The following TP63 variants were observed in gnomAD, a reference collection of about 807,000 sequenced individuals.
TP63 encodes tumor protein p63, also known as tumor protein 63.
In TP63, 17 loss-of-function variants were observed where a neutral mutation model predicts 82.8. That is an observed-to-expected ratio of 0.21 (90% CI 0.14 to 0.31). The LOEUF (loss-of-function observed/expected upper bound fraction) is 0.31, where lower values mean the gene tolerates loss of function less well. Ranked by LOEUF, TP63 falls within the 10% of genes least tolerant of loss-of-function variation. TP63 has a pLI of 1.00. For missense variants in TP63, 648 were observed against 895.3 expected (o/e 0.72, Z 3.52); for synonymous variants, 330 against 321.7 (o/e 1.03, Z -0.28).
intron 9 of TP63, 61 bp from the exon 10 acceptor site, chr3:189,872,798 A>G: frequency 6.2e-7 from 1 of 1,611,062 alleles, no homozygotes; most frequent in Non-Finnish European, 8.5e-7. Flanking sequence ...AGGATTGACC[A>G]CACTTCTAAC....
At chr3:189,858,618 C>T (rs1716615205) in intron 4 of TP63, among the ~76,000 whole-genome samples, 1 of 151,930 alleles carries the variant, frequency 6.6e-6, no homozygotes, top group Non-Finnish European at 1.5e-5. Flanking sequence ...CTACAAAAAA[C>T]ATACACCAAA....
chr3:189,635,851 T>C (rs929162388), intron 1 of TP63, among the ~76,000 whole-genome samples: 1 of 152,128 alleles, frequency 6.6e-6, no homozygotes, highest in Non-Finnish European at 1.5e-5. Context: ...TGATGTTGTT[T>C]ATGCACATAA....
At chr3:189,872,400 A>AC (rs1718533317) in intron 9 of TP63, among the ~76,000 whole-genome samples, 3 of 146,996 alleles carry the variant, frequency 2.0e-5, no homozygotes, top group Non-Finnish European at 4.5e-5. Context: ...AAGTTTCTCT[A>AC]ACACACACAC....
intron 3 of TP63, among the ~76,000 whole-genome samples, chr3:189,787,592 T>G (rs1412486179): frequency 6.6e-6 from 1 of 152,088 alleles, no homozygotes; most frequent in Admixed American, 6.6e-5. Flanking sequence ...GGAATCTGAC[T>G]TTTTCATCTT....
intron 4 of TP63, among the ~76,000 whole-genome samples, chr3:189,824,227 T>G (rs28620689): frequency 1.3e-5 from 2 of 151,304 alleles, no homozygotes; most frequent in African/African-American, 4.9e-5. Flanking sequence ...TATTATTATT[T>G]TTTTTTTGAG....
chr3:189,727,676 C>G (rs550807245), intron 1 of TP63, among the ~76,000 whole-genome samples: 11 of 152,246 alleles, frequency 7.2e-5, no homozygotes, highest in Admixed American at 4.6e-4. Flanking sequence ...CCTTCCTGAG[C>G]TCCATTTTCA....
At chr3:189,836,863 T>G (rs867845495) in intron 4 of TP63, among the ~76,000 whole-genome samples, 3 of 152,224 alleles carry the variant, frequency 2.0e-5, no homozygotes, top group South Asian at 2.1e-4. Context: ...CCACGGCTAA[T>G]AATAATCCCT....
intron 1 of TP63, among the ~76,000 whole-genome samples, chr3:189,720,804 G>A (rs1719332937): frequency 6.6e-6 from 1 of 151,026 alleles, no homozygotes; most frequent in East Asian, 1.9e-4. Flanking sequence ...GATAGGGAGA[G>A]ACTCTGCTAC....
At chr3:189,865,471 C>T (rs1717608587) in intron 5 of TP63, among the ~76,000 whole-genome samples, 1 of 152,082 alleles carries the variant, frequency 6.6e-6, no homozygotes, top group South Asian at 2.1e-4. Flanking sequence ...ACAGAGAGTG[C>T]TGAAAAGTGG....
chr3:189,791,215 T>G (rs1725105319), intron 3 of TP63, among the ~76,000 whole-genome samples: 1 of 152,146 alleles, frequency 6.6e-6, no homozygotes, highest in African/African-American at 2.4e-5. Flanking sequence ...AGTTTGTTTG[T>G]CTTTATTCAT....
At chr3:189,790,829 CA>C in intron 3 of TP63, among the ~76,000 whole-genome samples, 1 of 152,146 alleles carries the variant, frequency 6.6e-6, no homozygotes, top group African/African-American at 2.4e-5. Flanking sequence ...AAAATCAAAA[CA>C]AAATGCATAG....
At chr3:189,620,814 C>A in the TP63 span, among the ~76,000 whole-genome samples, 2 of 152,300 alleles carry the variant, frequency 1.3e-5, no homozygotes, top group South Asian at 2.1e-4. Context: ...CTGTGCATTC[C>A]ACTCTCTTAG....
chr3:189,697,674 T>C lies in TP63; in HGVS notation c.63-40066T>C, dbSNP rs147619492. Among the ~76,000 whole-genome samples the C allele has an allele frequency of 4.9e-4, 75 of 152,196 alleles. No individual in the cohort carries two copies. The Middle Eastern group carries it at 0.02, about 41-fold the overall frequency. The stretch of plus-strand genomic sequence containing the variant: ...AACATCTAGACAGTATTGAGTCTCC[T>C]CTCCCATCAATGCAAAACATATCTC... On this transcript the variant is annotated intron_variant, in intron 1 of 13. Transcript: ENST00000264731.
At chr3:189,643,762 G>A (rs1432547901) in intron 1 of TP63, among the ~76,000 whole-genome samples, 1 of 152,074 alleles carries the variant, frequency 6.6e-6, no homozygotes, top group East Asian at 1.9e-4. Flanking sequence ...TGGTTCTTTA[G>A]TAGAAGCAAT....
rs139876502 is a variant in TP63 at position 189,725,780 on chromosome 3, G to T, written c.63-11960G>T. On this transcript the variant is annotated intron_variant, in intron 1 of 13. Coordinates refer to ENST00000264731, the MANE Select transcript of TP63 (RefSeq NM_003722.5). ...AATGTAAAATTATTTTGCAGGCCGG[G>T]TGTGGTGGCTCACACCTGTAATCCC... Among the ~76,000 whole-genome samples, 629 of 152,304 alleles carry T rather than the reference G, an allele frequency of 4.1e-3. 7 individuals carry two copies. The highest frequency in any genetic ancestry group is 0.014 in the African/African-American group (581 of 41,560).
intron 1 of TP63, among the ~76,000 whole-genome samples, chr3:189,679,293 CT>C (rs958293858): frequency 1.3e-5 from 2 of 151,686 alleles, no homozygotes; most frequent in Non-Finnish European, 2.9e-5. Flanking sequence ...CCAGCACTTG[CT>C]TTTTTTTGTA....
chr3:189,788,845 A>T (rs779052063), intron 3 of TP63, among the ~76,000 whole-genome samples: 3 of 151,902 alleles, frequency 2.0e-5, no homozygotes, highest in Non-Finnish European at 2.9e-5. Flanking sequence ...TGCAGTAATC[A>T]TTTTTATTAC....
At position 189,864,329 on chromosome 3, in the gene TP63, G is replaced by A. The variant is rs193921145; in HGVS notation, c.677G>A (p.Arg226His). 3.1e-6 allele frequency: 5 copies of A among 1,613,950 alleles called. No homozygotes were observed. The highest frequency in any genetic ancestry group is 4.2e-6 in the Non-Finnish European group (5 of 1,180,014). Reference protein sequence around the residue: ...MTPPPQGAVIRAMPVYKKAEH... With the variant: ...MTPPPQGAVIHAMPVYKKAEH... Reference sequence around the variant, plus strand: ...CCACCTCCTCAGGGAGCTGTTATCCGCGCCATGCCTGTCTACAAAAAAGCT... The same window carrying A: ...CCACCTCCTCAGGGAGCTGTTATCCACGCCATGCCTGTCTACAAAAAAGCT... Residue 226 changes from arginine (R) to histidine (H), a missense_variant, in exon 5 of 14, where the codon CGC (arginine) becomes CAC (histidine). Arg to His is a conservative substitution (Grantham distance 29). Coordinates refer to ENST00000264731, the MANE Select transcript of TP63 (RefSeq NM_003722.5).
chr3:189,775,182 T>C (rs1322597508), intron 3 of TP63, among the ~76,000 whole-genome samples: 1 of 131,096 alleles, frequency 7.6e-6, no homozygotes, highest in African/African-American at 3.0e-5. Flanking sequence ...ATCGTGCCAC[T>C]GCACTCCAGC....
Sources: gnomAD v4.1 joint callset for allele counts (sites outside exome capture counted in the v4.1 genomes callset) on GRCh38, gnomAD v4.1.1 for gene constraint, MANE v1.5 for transcripts, NCBI Gene and HGNC (gene_info 2026-07-23, HGNC 2026-07-21) for gene names.